Variants in ATP2B2 observed in about 807,000 individuals in gnomAD.
ATP2B2 encodes the protein plasma membrane calcium-transporting ATPase 2.
In ATP2B2, 15 loss-of-function variants were observed where a neutral mutation model predicts 120.0. That is an observed-to-expected ratio of 0.12 (90% CI 0.08 to 0.19). The LOEUF (loss-of-function observed/expected upper bound fraction) is 0.19. ATP2B2 is among the 10% of genes least tolerant of loss of function. ATP2B2 has a pLI of 1.00. For missense variants in ATP2B2, 1,045 were observed against 1,719.8 expected, an observed-to-expected ratio of 0.61 and a Z score of 6.94; for synonymous variants, 694 against 700.3, an observed-to-expected ratio of 0.99 and a Z score of 0.14.
At chr3:10,377,388 C>G (rs1240195252) in intron 10 of ATP2B2, among the ~76,000 whole-genome samples, 1 of 152,232 alleles carries the variant, frequency 6.6e-6, no homozygotes, top group Non-Finnish European at 1.5e-5. Flanking sequence ...TAAATTTAGA[C>G]AGCCAAGCCT....
At chr3:10,594,044 G>A (rs139997289) in intron 2 of ATP2B2, among the ~76,000 whole-genome samples, 111 of 152,236 alleles carry the variant, frequency 7.3e-4, no homozygotes, top group Non-Finnish European at 1.2e-3. Context: ...TTAGAATGGC[G>A]TTCATTAAAA....
chr3:10,526,818 C>G (rs1162387187), intron 3 of ATP2B2, among the ~76,000 whole-genome samples: 2 of 152,086 alleles, frequency 1.3e-5, no homozygotes, highest in Non-Finnish European at 2.9e-5. Flanking sequence ...CTCTGAGTCT[C>G]TATTTCCTAA....
intron 1 of ATP2B2, among the ~76,000 whole-genome samples, chr3:10,644,762 T>C (rs546397157): frequency 1.5e-4 from 23 of 152,302 alleles, no homozygotes; most frequent in African/African-American, 5.3e-4. Flanking sequence ...GGGGATAAAC[T>C]GGTTAATGCA....
intron 2 of ATP2B2, among the ~76,000 whole-genome samples, chr3:10,540,213 G>A (rs2067404443): frequency 6.6e-6 from 1 of 152,170 alleles, no homozygotes; most frequent in Non-Finnish European, 1.5e-5. Context: ...AAAAAGTCAG[G>A]AAACAACAGG....
At chr3:10,659,026 T>A (rs1280321837) in intron 1 of ATP2B2, among the ~76,000 whole-genome samples, 5 of 152,092 alleles carry the variant, frequency 3.3e-5, no homozygotes, top group Non-Finnish European at 5.9e-5. Flanking sequence ...ATAAAATCCT[T>A]TACAGACAAG....
intron 2 of ATP2B2, among the ~76,000 whole-genome samples, chr3:10,419,229 C>T (rs1266848922): frequency 6.6e-6 from 1 of 152,192 alleles, no homozygotes; most frequent in Non-Finnish European, 1.5e-5. Context: ...CCACGGGTGG[C>T]CACGTGCCCC....
At chr3:10,341,519 C>G (rs1574954172) in intron 19 of ATP2B2, among the ~76,000 whole-genome samples, 1 of 152,200 alleles carries the variant, frequency 6.6e-6, no homozygotes, top group South Asian at 2.1e-4. Flanking sequence ...CCATGTTGGC[C>G]ATGCTGGTCT....
At chr3:10,563,607 A>C (rs2067949848) in intron 2 of ATP2B2, among the ~76,000 whole-genome samples, 2 of 152,368 alleles carry the variant, frequency 1.3e-5, no homozygotes, top group East Asian at 1.9e-4. Context: ...CTTTCTTTGC[A>C]TCAGCTGCAC....
At chr3:10,393,747 C>T (rs893027169) in intron 5 of ATP2B2, among the ~76,000 whole-genome samples, 4 of 50,238 alleles carry the variant, frequency 8.0e-5, no homozygotes, top group Admixed American at 2.5e-4. Flanking sequence ...CTGTCCTGTC[C>T]TGCCCAAGCT....
intron 8 of ATP2B2, among the ~76,000 whole-genome samples, chr3:10,382,587 C>G (rs1412195611): frequency 6.6e-6 from 1 of 151,350 alleles, no homozygotes; most frequent in Non-Finnish European, 1.5e-5. Context: ...CAACTCCTGA[C>G]CTCAAGCAAT....
intron 2 of ATP2B2, among the ~76,000 whole-genome samples, chr3:10,576,541 G>A (rs114993323): frequency 1.1e-3 from 172 of 151,962 alleles, no homozygotes; most frequent in African/African-American, 3.9e-3. Flanking sequence ...CACCTTTCCC[G>A]GCTAATTTTT....
At chr3:10,704,200 T>A (rs755101888) in intron 1 of ATP2B2, among the ~76,000 whole-genome samples, 1 of 152,196 alleles carries the variant, frequency 6.6e-6, no homozygotes, top group Non-Finnish European at 1.5e-5. Flanking sequence ...CATAACTGAA[T>A]AATAATAAAA....
At chr3:10,555,924 A>G (rs1265444007) in intron 2 of ATP2B2, among the ~76,000 whole-genome samples, 1 of 152,100 alleles carries the variant, frequency 6.6e-6, no homozygotes, top group Admixed American at 6.5e-5. Flanking sequence ...TTGGAGATGG[A>G]GTCTTGCTCT....
intron 1 of ATP2B2, among the ~76,000 whole-genome samples, chr3:10,655,996 G>A (rs2070616630): frequency 6.6e-6 from 1 of 152,198 alleles, no homozygotes; most frequent in Non-Finnish European, 1.5e-5. Context: ...GAGAGAGCGG[G>A]GAAAACAATC....
intron 2 of ATP2B2, among the ~76,000 whole-genome samples, chr3:10,595,303 CG>C (rs977441876): frequency 6.6e-6 from 1 of 152,112 alleles, no homozygotes; most frequent in African/African-American, 2.4e-5. Flanking sequence ...GGTCATGAAG[CG>C]GGGTGTTAGT....
chr3:10,537,284 G>T (rs1480534165), intron 2 of ATP2B2, among the ~76,000 whole-genome samples: 3 of 152,106 alleles, frequency 2.0e-5, no homozygotes, highest in Non-Finnish European at 2.9e-5. Flanking sequence ...GATAGAAATT[G>T]CACAGAACAG....
intron 2 of ATP2B2, among the ~76,000 whole-genome samples, chr3:10,432,783 G>A (rs1314530533): frequency 1.3e-5 from 2 of 152,218 alleles, no homozygotes; most frequent in Admixed American, 6.5e-5. Flanking sequence ...AAGGGACGCG[G>A]CTTTCTACAT....
In ATP2B2 at chr3:10,327,788, C is replaced by T. The variant is rs1486623603; in HGVS notation, c.*1026G>A. On this transcript the variant is annotated 3_prime_UTR_variant, in exon 23 of 23. Transcript: ENST00000360273. ...CGTCTACGGAGCATGTTGTTAAACC[C>T]CTCAGGATGGCAACTCGGTAGCATT... 1 of 152,666 alleles carries T rather than the reference C, an allele frequency of 6.6e-6. No homozygotes were observed. Among genetic ancestry groups the T allele is most frequent in the Non-Finnish European group, 1.5e-5 (1 of 68,048 alleles). The allele number at this position is 152,666 out of a possible 1,614,324, so 9.5% of individuals were successfully genotyped here.
chr3:10,336,308 G>A (rs2060115746), intron 22 of ATP2B2: 5 of 1,550,174 alleles, frequency 3.2e-6, no homozygotes, highest in South Asian at 1.2e-5. Flanking sequence ...AATCTGCAAC[G>A]GAGGAGAGAA....
Sources: gnomAD v4.1 joint callset for allele counts (sites outside exome capture counted in the v4.1 genomes callset) on GRCh38, gnomAD v4.1.1 for gene constraint, MANE v1.5 for transcripts, NCBI Gene and HGNC (gene_info 2026-07-23, HGNC 2026-07-21) for gene names.